AKR1C8: variants seen among roughly 807,000 people sequenced by gnomAD.
AKR1C8 encodes the protein aldo-keto reductase family 1 member C8.
the AKR1C8 span, among the ~76,000 whole-genome samples, chr10:5,127,249 T>C: frequency 6.6e-6 from 1 of 151,414 alleles, no homozygotes; most frequent in Non-Finnish European, 1.5e-5. Context: ...AAATGAAAAA[T>C]TTTCCAGAGA....
the AKR1C8 span, among the ~76,000 whole-genome samples, chr10:5,179,340 G>T: frequency 6.6e-6 from 1 of 152,254 alleles, no homozygotes; most frequent in East Asian, 1.9e-4. Flanking sequence ...AGTTTCTGCC[G>T]AGAGATCTGC....
chr10:5,180,297 T>C, the AKR1C8 span, among the ~76,000 whole-genome samples: 1 of 152,222 alleles, frequency 6.6e-6, no homozygotes, highest in Non-Finnish European at 1.5e-5. Context: ...CGGATTTTCA[T>C]GAACTGCGAA....
the AKR1C8 span, among the ~76,000 whole-genome samples, chr10:5,146,736 A>T: frequency 6.6e-6 from 1 of 152,118 alleles, no homozygotes; most frequent in Non-Finnish European, 1.5e-5. Context: ...TCTTTAGTTT[A>T]ATTAGGTCCC....
the AKR1C8 span, among the ~76,000 whole-genome samples, chr10:5,174,242 G>C: frequency 1.3e-5 from 2 of 149,806 alleles, no homozygotes; most frequent in African/African-American, 2.5e-5. Flanking sequence ...ATCTTCTTCT[G>C]TCTATAGAGT....
chr10:5,143,022 C>G, the AKR1C8 span, among the ~76,000 whole-genome samples: 1 of 151,920 alleles, frequency 6.6e-6, no homozygotes, highest in Admixed American at 6.6e-5. Context: ...TCAAGTGTAA[C>G]CGTTAATTTT....
At chr10:5,123,445 A>T in the AKR1C8 span, 1 of 442,766 alleles carries the variant, frequency 2.3e-6, no homozygotes, top group Non-Finnish European at 4.2e-6. Flanking sequence ...CCACCCTGGA[A>T]GGAAACCCAG....
At chr10:5,117,537 G>A in the AKR1C8 span, among the ~76,000 whole-genome samples, 1 of 152,108 alleles carries the variant, frequency 6.6e-6, no homozygotes, top group Non-Finnish European at 1.5e-5. Context: ...GCTGGTTCTA[G>A]GTGTGTAGAG....
At chr10:5,175,757 T>C in the AKR1C8 span, among the ~76,000 whole-genome samples, 9 of 152,242 alleles carry the variant, frequency 5.9e-5, no homozygotes, top group Admixed American at 5.9e-4. Flanking sequence ...TGTGTTTTTT[T>C]GGCTGCATAA....
chr10:5,157,887 G>T, the AKR1C8 span: 2 of 383,420 alleles, frequency 5.2e-6, no homozygotes, highest in South Asian at 4.1e-5. Flanking sequence ...ATTCTCCAGA[G>T]AGTTGAGAGG....
chr10:5,180,392 C>T, the AKR1C8 span, among the ~76,000 whole-genome samples: 3 of 152,206 alleles, frequency 2.0e-5, no homozygotes, highest in Admixed American at 6.5e-5. Flanking sequence ...CTACTGGGGG[C>T]TGCCTCCCAG....
At chr10:5,134,444 A>G in the AKR1C8 span, among the ~76,000 whole-genome samples, 2 of 152,212 alleles carry the variant, frequency 1.3e-5, no homozygotes, top group Admixed American at 6.5e-5. Context: ...TCTAGAAAAT[A>G]AAGTCTCCAT....
the AKR1C8 span, among the ~76,000 whole-genome samples, chr10:5,118,220 G>C: frequency 3.3e-5 from 5 of 152,082 alleles, no homozygotes; most frequent in Non-Finnish European, 7.4e-5. Flanking sequence ...CAAAAGGGAA[G>C]TTAACCAAAA....
the AKR1C8 span, among the ~76,000 whole-genome samples, chr10:5,131,320 A>G: frequency 6.6e-6 from 1 of 152,246 alleles, no homozygotes; most frequent in East Asian, 1.9e-4. Flanking sequence ...AAAAACAAAA[A>G]TAAATAAATG....
the AKR1C8 span, among the ~76,000 whole-genome samples, chr10:5,181,167 T>A: frequency 2.0e-5 from 3 of 152,188 alleles, no homozygotes; most frequent in Non-Finnish European, 4.4e-5. Context: ...CTAATCTACT[T>A]TAACAATATG....
At chr10:5,129,508 A>G in the AKR1C8 span, among the ~76,000 whole-genome samples, 1 of 152,094 alleles carries the variant, frequency 6.6e-6, no homozygotes, top group Non-Finnish European at 1.5e-5. Context: ...AGATGAAGAA[A>G]CTTGATAGAC....
the AKR1C8 span, chr10:5,157,659 C>T: frequency 2.1e-6 from 1 of 472,426 alleles, no homozygotes; most frequent in East Asian, 6.9e-5. Context: ...TGATTCTCTC[C>T]TGAGAGAAGC....
the AKR1C8 span, among the ~76,000 whole-genome samples, chr10:5,133,272 A>G: frequency 6.6e-6 from 1 of 151,912 alleles, no homozygotes; most frequent in African/African-American, 2.4e-5. Flanking sequence ...AAATTTTTGT[A>G]TTTTTGGTAG....
chr10:5,165,287 T>C, the AKR1C8 span, among the ~76,000 whole-genome samples: 1 of 152,170 alleles, frequency 6.6e-6, no homozygotes. Context: ...GTGGAACATA[T>C]TATAGGAACA....
At chr10:5,154,054 C>A in the AKR1C8 span, 11 of 373,762 alleles carry the variant, frequency 2.9e-5, no homozygotes, top group African/African-American at 2.3e-4. Context: ...ACAGATCCTA[C>A]TTCCTACTCC....
Sources: gnomAD v4.1 joint callset for allele counts (sites outside exome capture counted in the v4.1 genomes callset) on GRCh38, gnomAD v4.1.1 for gene constraint, MANE v1.5 for transcripts, NCBI Gene and HGNC (gene_info 2026-07-23, HGNC 2026-07-21) for gene names.